Variants in CLCN6 observed in about 807,000 individuals in gnomAD.
CLCN6 encodes H(+)/Cl(-) exchange transporter 6.
Under a neutral mutation model 109.8 loss-of-function variants are expected in CLCN6, and 70 were observed. That is an observed-to-expected ratio of 0.64 (90% CI 0.53 to 0.78). The LOEUF (loss-of-function observed/expected upper bound fraction) is 0.78. Among genes scored for constraint, CLCN6 ranks in the 30% least tolerant of loss-of-function variants. The probability of loss-of-function intolerance (pLI) is 0.00; values close to 1 mark genes in which losing one functional copy is unlikely to be tolerated. For synonymous variants in CLCN6, 444 were observed against 447.8 expected (o/e 0.99, Z 0.11); for missense variants, 984 against 1,142.3 (o/e 0.86, Z 2.00).
intron 19 of CLCN6, 30 bp downstream of exon 19, chr1:11,837,186 G>A (rs774302284): frequency 2.3e-5 from 37 of 1,610,130 alleles, no homozygotes; most frequent in East Asian, 1.8e-4. Context: ...CCCACTGCCC[G>A]CAGGGCTACA....
At chr1:11,816,466 C>T in intron 3 of CLCN6, 149 bp from the exon 4 acceptor site, 1 of 696,690 alleles carries the variant, frequency 1.4e-6, no homozygotes, top group Non-Finnish European at 2.5e-6. Context: ...ATCATTTTTG[C>T]ACTGTAAAGC....
At position 11,838,618 on chromosome 1, in the gene CLCN6, G is replaced by T; in HGVS notation, c.2487G>T (p.Thr829=). ...HVSQVFNLFR[T]MGLRHLPVVN... ...CCCAAGTCTTCAACCTGTTCAGAAC[G>T]ATGGGCCTGCGCCACCTGCCCGTGG... Residue 829 remains threonine (T), a synonymous_variant, in exon 22 of 23, where the codon ACG becomes ACT. Transcript: ENST00000346436. 1.2e-6 allele frequency: 2 copies of T among 1,614,200 alleles called. No individual in the cohort carries two copies. Among genetic ancestry groups the T allele is most frequent in the Non-Finnish European group, 1.7e-6 (2 of 1,180,036 alleles).
In CLCN6 at chr1:11,841,762, C is replaced by T. The variant is rs1007851587; in HGVS notation, c.*1539C>T. 8 of 152,254 alleles carry T rather than the reference C, an allele frequency of 5.3e-5. No individual in the cohort carries two copies. The highest frequency in any genetic ancestry group is 1.9e-4 in the African/African-American group (8 of 41,458). 9.4% of individuals were successfully genotyped at this position (152,254 alleles called of 1,614,324 possible). A position where few individuals can be genotyped will look rare whatever the true frequency, so the allele number is the denominator to read the frequency against. On this transcript the variant is annotated 3_prime_UTR_variant, in exon 23 of 23. Transcript: ENST00000346436. ...TGGTCCAGATCTTGCGCTCAGCACA[C>T]TCTAGGGAATAATTCCACTCCAGAG... is the stretch of plus-strand genomic sequence containing the variant.
At chr1:11,828,898 C>T (rs553782450) in intron 12 of CLCN6, among the ~76,000 whole-genome samples, 4 of 152,324 alleles carry the variant, frequency 2.6e-5, no homozygotes, top group East Asian at 3.9e-4. Flanking sequence ...GTGGCCCTGC[C>T]GAGCAGCTTG....
rs1645007499 is a variant in CLCN6 at position 11,840,596 on chromosome 1, G to A, written c.*373G>A. The A allele has an allele frequency of 1.8e-5, 6 of 327,968 alleles. No individual in the cohort carries two copies. Among genetic ancestry groups the A allele is most frequent in the Admixed American group, 1.2e-4 (3 of 25,446 alleles). The allele number at this position is 327,968 out of a possible 1,614,324, so 20.3% of individuals were successfully genotyped here. On this transcript the variant is annotated 3_prime_UTR_variant, in exon 23 of 23. Coordinates refer to ENST00000346436, the MANE Select transcript of CLCN6 (RefSeq NM_001286.5). ...TCTTTGCTACTTTCCTAGAGAACCC[G>A]GCTGTTGCCTTAAATGTGTGAGAGG...
rs746492195 is a variant in CLCN6, at chr1:11,834,336, A to C, written c.1627A>C (p.Ile543Leu). The stretch of plus-strand genomic sequence containing the variant: ...CCGCATGACCATCAGCCTCACGGTC[A>C]TCCTGATCGAGTCCACCAATGAGAT... ...VVRMTISLTV[I>L]LIESTNEITY... Residue 543 changes from isoleucine (I) to leucine (L), a missense_variant, in exon 16 of 23, where the codon ATC becomes CTC. Transcript: ENST00000346436. The surrounding 1 kb of genome is among the most constrained non-coding windows in gnomAD (Gnocchi z 4.5). The C allele has an allele frequency of 6.2e-7, 1 of 1,614,004 alleles. No individual in the cohort carries two copies. The highest frequency in any genetic ancestry group is 1.1e-5 in the South Asian group (1 of 91,074).
rs747408798 is a variant in CLCN6 at position 11,838,343 on chromosome 1, C to T, written c.2304C>T (p.Ser768=). The change falls in exon 21 of 23, where the codon AGC becomes AGT. Residue 768 remains serine (S), a synonymous_variant. Coordinates refer to ENST00000346436, the MANE Select transcript of CLCN6 (RefSeq NM_001286.5). ...VCYSESQSSA[S]QPRLSYAEMA... Reference sequence around the variant, plus strand: ...CTGGGTTGGAATTGCAGAGCGCCAGCCAGCCGCGCCTCTCCTATGCCGAGA... The same window carrying T: ...CTGGGTTGGAATTGCAGAGCGCCAGTCAGCCGCGCCTCTCCTATGCCGAGA... The T allele has an allele frequency of 1.3e-5, 21 of 1,613,578 alleles. No homozygotes were observed. The highest frequency in any genetic ancestry group is 1.6e-5 in the Non-Finnish European group (19 of 1,180,002).
At chr1:11,809,383 TC>T (rs1346530633) in intron 2 of CLCN6, among the ~76,000 whole-genome samples, 32 of 152,176 alleles carry the variant, frequency 2.1e-4, no homozygotes, top group Non-Finnish European at 3.8e-4. Flanking sequence ...CCTCACCCCT[TC>T]TACTAAATTG....
At chr1:11,836,944 G>A in intron 18 of CLCN6, 55 bp from the exon 19 acceptor site, 1 of 1,591,850 alleles carries the variant, frequency 6.3e-7, no homozygotes, top group Non-Finnish European at 8.5e-7. Flanking sequence ...AGCTCCATCA[G>A]TACTGCTGTG....
intron 22 of CLCN6, among the ~76,000 whole-genome samples, chr1:11,839,514 G>T: frequency 6.6e-6 from 1 of 152,144 alleles, no homozygotes; most frequent in East Asian, 1.9e-4. Flanking sequence ...CACCTGCCTC[G>T]GCCTCCCAAA....
At chr1:11,838,820 C>A in intron 22 of CLCN6, 160 bp downstream of exon 22, 1 of 1,065,216 alleles carries the variant, frequency 9.4e-7, no homozygotes, top group Admixed American at 1.8e-5. Context: ...TCCGTGCACT[C>A]GGGACCCTTT....
chr1:11,837,535 A>G (rs198406), intron 20 of CLCN6, 36 bp downstream of exon 20: 651,997 of 1,600,920 alleles, frequency 0.41, 136,461 homozygotes, highest in African/African-American at 0.54. Context: ...GCCAGGCCAG[A>G]CCTGACGAAG....
intron 13 of CLCN6, among the ~76,000 whole-genome samples, chr1:11,831,891 T>C (rs1017746482): frequency 6.6e-6 from 1 of 152,212 alleles, no homozygotes; most frequent in Admixed American, 6.5e-5. Flanking sequence ...CCCAGGCTGG[T>C]CTCGAACTTC....
chr1:11,823,923 C>T lies in CLCN6; in HGVS notation c.580+90C>T, dbSNP rs1004831469. 5.9e-6 allele frequency: 9 copies of T among 1,533,316 alleles called. No homozygotes were observed. In the African/African-American group the frequency reaches 1.2e-4, roughly 21 times the overall value. 95.0% of individuals were successfully genotyped at this position (1,533,316 alleles called of 1,614,324 possible). A position where few individuals can be genotyped will look rare whatever the true frequency, so the allele number is the denominator to read the frequency against. ...TATTTCAGTTATTAGATTTGGACTGCAGGGCCCAGCCTCAAACAGCTGATG... is the reference window on the plus strand; with the variant it reads ...TATTTCAGTTATTAGATTTGGACTGTAGGGCCCAGCCTCAAACAGCTGATG... On this transcript the variant is annotated intron_variant, in intron 7 of 22. Coordinates refer to ENST00000346436, the MANE Select transcript of CLCN6 (RefSeq NM_001286.5).
rs1645036551 is a variant in CLCN6, at chr1:11,842,449, C to T, written c.*2226C>T. 6.5e-6 allele frequency: 1 copy of T among 152,698 alleles called. No homozygotes were observed. The highest frequency in any genetic ancestry group is 1.5e-5 in the Non-Finnish European group (1 of 68,056). The allele number at this position is 152,698 out of a possible 1,614,324, so 9.5% of individuals were successfully genotyped here. On this transcript the variant is annotated 3_prime_UTR_variant, in exon 23 of 23. Transcript: ENST00000346436. ...TCTGCATCTGCGCTTTCCAGATAAG[C>T]CCAAAGACAGCAACTTCTCCACTCA... is the stretch of plus-strand genomic sequence containing the variant.
At position 11,818,527 on chromosome 1, in the gene CLCN6, C is replaced by T. The variant is rs554082901; in HGVS notation, c.280-961C>T. The stretch of plus-strand genomic sequence containing the variant: ...CTCCTACCTTTGTATTTTAGGAAGG[C>T]ACACCTGCCTTTATGACATAGCACT... On this transcript the variant is annotated intron_variant, in intron 4 of 22. Coordinates refer to ENST00000346436, the MANE Select transcript of CLCN6 (RefSeq NM_001286.5). 4.6e-5 allele frequency among the ~76,000 whole-genome samples: 7 copies of T among 152,312 alleles called. No homozygotes were observed. In the East Asian group the frequency reaches 1.2e-3, roughly 25 times the overall value.
chr1:11,836,109 T>G lies in CLCN6; in HGVS notation c.1936T>G (p.Phe646Val). Residue 646 changes from phenylalanine (F) to valine (V), a missense_variant, in exon 18 of 23, where the codon TTC (phenylalanine) becomes GTC (valine). Phe to Val is a conservative substitution (Grantham distance 50). Coordinates refer to ENST00000346436, the MANE Select transcript of CLCN6 (RefSeq NM_001286.5). ...AGAGAACCGCGGTAACGAGAAGGAG[T>G]TCATGAAGGGCAACCAGCTCATCAG... ...VTENRGNEKE[F>V]MKGNQLISNN... is the part of the protein sequence containing the mutation. 1 of 1,609,728 alleles carries G rather than the reference T, an allele frequency of 6.2e-7. No individual in the cohort carries two copies. Among genetic ancestry groups the G allele is most frequent in the African/African-American group, 1.4e-5 (1 of 73,660 alleles).
intron 2 of CLCN6, among the ~76,000 whole-genome samples, chr1:11,811,145 A>G (rs1570513832): frequency 6.6e-6 from 1 of 151,890 alleles, no homozygotes; most frequent in South Asian, 2.1e-4. Context: ...CAGGAGACGG[A>G]GGTTGCAGAG....
rs767674494 is a variant in CLCN6 at position 11,827,143 on chromosome 1, C to T, written c.762C>T (p.Phe254=). 7.8e-5 allele frequency: 126 copies of T among 1,613,752 alleles called. No individual in the cohort carries two copies. The highest frequency in any genetic ancestry group is 1.0e-4 in the Non-Finnish European group (120 of 1,179,904). The change falls in exon 10 of 23, where the codon TTC becomes TTT. Residue 254 remains phenylalanine, a synonymous_variant. Transcript: ENST00000346436. ...CGGCTGCTGGAGTTGCTGCAGCTTT[C>T]GGGGCGCCAATCGGGGGTACCTTGT... The part of the protein sequence containing the change: ...AGAAAGVAAA[F]GAPIGGTLFS...
Sources: allele counts gnomAD v4.1 joint callset (sites outside exome capture counted in the v4.1 genomes callset), GRCh38; gene constraint gnomAD v4.1.1; non-coding constraint Gnocchi (gnomAD v3.1); transcripts MANE v1.5; gene names NCBI Gene and HGNC (gene_info 2026-07-23, HGNC 2026-07-21).